The following CNTNAP4 variants were observed in gnomAD, a reference collection of about 807,000 sequenced individuals.
The protein encoded by CNTNAP4 is contactin-associated protein-like 4.
Under a neutral mutation model 148.4 loss-of-function variants are expected in CNTNAP4, and 98 were observed. That is an observed-to-expected ratio of 0.66 (90% confidence interval 0.56 to 0.78). The LOEUF is 0.78. Ranked by LOEUF, CNTNAP4 falls within the 30% of genes least tolerant of loss-of-function variation. The pLI is 0.00. For synonymous variants in CNTNAP4, 730 were observed against 565.1 expected (o/e 1.29, Z -4.14); for missense variants, 1,935 against 1,565.6 (o/e 1.24, Z -3.98).
chr16:76,452,699 C>G lies in CNTNAP4; in HGVS notation c.1263C>G (p.Leu421=). 6.2e-7 allele frequency: 1 copy of G among 1,612,424 alleles called. No individual in the cohort carries two copies. The highest frequency in any genetic ancestry group is 2.2e-5 in the East Asian group (1 of 44,816). ...ELQLISGGIL[L]FLSDGKLKSN... ...AGCTGATTTCAGGGGGTATCCTCCTCTTTCTGAGTGATGGAAAACTTAAGT... is the reference window on the plus strand; with the variant it reads ...AGCTGATTTCAGGGGGTATCCTCCTGTTTCTGAGTGATGGAAAACTTAAGT... The change falls in exon 8 of 24, where the codon CTC becomes CTG. Residue 421 remains leucine (L), a synonymous_variant. Coordinates refer to ENST00000611870, the MANE Select transcript of CNTNAP4 (RefSeq NM_033401.5).
chr16:76,353,671 AG>A (rs2012163322), intron 2 of CNTNAP4, among the ~76,000 whole-genome samples: 1 of 152,028 alleles, frequency 6.6e-6, no homozygotes, highest in Non-Finnish European at 1.5e-5. Context: ...CTTGTCATAC[AG>A]AAGCTGCCTC....
In CNTNAP4 at chr16:76,494,945, A is replaced by T. The variant is rs760652476; in HGVS notation, c.2116A>T (p.Asn706Tyr). The T allele has an allele frequency of 1.9e-6, 3 of 1,613,570 alleles. No homozygotes were observed. The highest frequency in any genetic ancestry group is 2.5e-6 in the Non-Finnish European group (3 of 1,179,596). Residue 706 changes from asparagine to tyrosine, a missense_variant, in exon 14 of 24, where the codon AAT becomes TAT. By Grantham distance (143) the Asn-to-Tyr change is moderately radical. Transcript: ENST00000611870. ...TPLSWWVGRTNETQTYWGGSS... is the reference protein window; with the variant it reads ...TPLSWWVGRTYETQTYWGGSS... The stretch of plus-strand genomic sequence containing the variant: ...TCTGAGTTGGTGGGTAGGAAGAACC[A>T]ATGAAACGCAAACCTACTGGGGAGG...
chr16:76,280,683 C>T (rs1958653425), intron 1 of CNTNAP4, among the ~76,000 whole-genome samples: 1 of 152,138 alleles, frequency 6.6e-6, no homozygotes, highest in African/African-American at 2.4e-5. Context: ...AGTGTCCCTT[C>T]CATCAAAGTT....
intron 2 of CNTNAP4, among the ~76,000 whole-genome samples, chr16:76,341,327 G>A (rs1964452816): frequency 6.6e-6 from 1 of 152,102 alleles, no homozygotes; most frequent in Non-Finnish European, 1.5e-5. Context: ...CCATTGAAAT[G>A]TACAAATTCT....
intron 21 of CNTNAP4, among the ~76,000 whole-genome samples, chr16:76,544,612 A>G (rs1012655640): frequency 1.3e-5 from 2 of 152,210 alleles, no homozygotes; most frequent in African/African-American, 4.8e-5. Context: ...AGATCCTCTC[A>G]TAATCAGCAG....
At chr16:76,289,160 C>T (rs1187045362) in intron 1 of CNTNAP4, among the ~76,000 whole-genome samples, 4 of 152,074 alleles carry the variant, frequency 2.6e-5, no homozygotes, top group Non-Finnish European at 5.9e-5. Context: ...ACAAAAGATA[C>T]ATCATGAGTA....
chr16:76,497,122 A>T (rs895392566), intron 14 of CNTNAP4, among the ~76,000 whole-genome samples: 2 of 152,228 alleles, frequency 1.3e-5, no homozygotes, highest in African/African-American at 2.4e-5. Context: ...GGAAATTGCA[A>T]ATATGTTGGT....
At chr16:76,514,000 G>A (rs879263645) in intron 15 of CNTNAP4, among the ~76,000 whole-genome samples, 1 of 152,146 alleles carries the variant, frequency 6.6e-6, no homozygotes, top group Admixed American at 6.5e-5. Context: ...AAATTTTATT[G>A]CATGATCATG....
rs549510724 is a variant in CNTNAP4 at position 76,517,631 on chromosome 16, T to C, written c.2366-3509T>C. 4.3e-4 allele frequency among the ~76,000 whole-genome samples: 65 copies of C among 152,334 alleles called. 1 individual carries two copies. Among genetic ancestry groups the C allele is most frequent in the Admixed American group, 2.2e-3 (34 of 15,298 alleles). On this transcript the variant is annotated intron_variant, in intron 15 of 23. Coordinates refer to ENST00000611870, the MANE Select transcript of CNTNAP4 (RefSeq NM_033401.5). ...ATGTATTACCTTGAAAAACAATGTG[T>C]TTTTTAAATACTGTTCCTTTATAAA...
intron 4 of CNTNAP4, among the ~76,000 whole-genome samples, chr16:76,437,666 C>T (rs145699165): frequency 1.2e-4 from 19 of 152,086 alleles, no homozygotes; most frequent in Admixed American, 2.6e-4. Flanking sequence ...AACTAATGAA[C>T]GAATAGAGGA....
rs202044717 is a variant in CNTNAP4 at position 76,307,495 on chromosome 16, T to G, written c.86-8918T>G. Among the ~76,000 whole-genome samples the G allele has an allele frequency of 3.2e-5, 4 of 123,084 alleles. No homozygotes were observed. The East Asian group carries it at 7.7e-4, about 24-fold the overall frequency. 80.7% of individuals were successfully genotyped at this position (123,084 alleles called of 152,430 possible). ...TCCTCTAATTCTCCTAGATATCTAT[T>G]TTAAATGCATATATATATATATATA... On this transcript the variant is annotated intron_variant, in intron 1 of 23. Transcript: ENST00000611870.
chr16:76,447,180 C>T (rs541985378), intron 4 of CNTNAP4, among the ~76,000 whole-genome samples: 61 of 151,998 alleles, frequency 4.0e-4, no homozygotes, highest in Middle Eastern at 6.8e-3. Flanking sequence ...CATGGTAGTG[C>T]ACCCTTGTGG....
At position 76,470,497 on chromosome 16, in the gene CNTNAP4, A is replaced by ATATATATATATATATAT. The variant is rs398119511; in HGVS notation, c.1655+2974_1655+2975insTATATATATATATATAT. Reference sequence around the variant, plus strand: ...CTCTACTAATAATATATATATATATAAAATTAGTCGGGCATGGTGGCACAT... The same window carrying ATATATATATATATATAT: ...CTCTACTAATAATATATATATATATATATATATATATATATATAAATTAGTCGGGCATGGTGGCACAT... On this transcript the variant is annotated intron_variant, in intron 10 of 23. Transcript: ENST00000611870. 1.8e-4 allele frequency among the ~76,000 whole-genome samples: 25 copies of ATATATATATATATATAT among 137,410 alleles called. 1 individual carries two copies. The highest frequency in any genetic ancestry group is 5.1e-4 in the African/African-American group (17 of 33,562). The allele number at this position is 137,410 out of a possible 152,430, so 90.1% of individuals were successfully genotyped here.
chr16:76,395,159 G>T (rs1244945073), intron 3 of CNTNAP4, among the ~76,000 whole-genome samples: 2 of 152,160 alleles, frequency 1.3e-5, no homozygotes, highest in African/African-American at 4.8e-5. Flanking sequence ...GCTTCAGAGA[G>T]ATCACGACCT....
At chr16:76,542,925 ATAT>A in intron 21 of CNTNAP4, among the ~76,000 whole-genome samples, 2 of 152,340 alleles carry the variant, frequency 1.3e-5, no homozygotes, top group African/African-American at 2.4e-5. Flanking sequence ...TATATTCAAC[ATAT>A]TATAAAACAA....
intron 3 of CNTNAP4, among the ~76,000 whole-genome samples, chr16:76,381,996 G>C (rs1013424013): frequency 1.4e-5 from 2 of 143,068 alleles, no homozygotes; most frequent in African/African-American, 5.2e-5. Context: ...AGGAGGCGGA[G>C]CTTGCAGTGA....
At position 76,397,938 on chromosome 16, in the gene CNTNAP4, T is replaced by TTATATA. The variant is rs1404929461; in HGVS notation, c.391-29513_391-29508dup. ...TCTCTAGAGGGACAGAACTAATAGA[T>TTATATA]TATATACATATATATATATATATAT... On this transcript the variant is annotated intron_variant, in intron 3 of 23. Coordinates refer to ENST00000611870, the MANE Select transcript of CNTNAP4 (RefSeq NM_033401.5). Among the ~76,000 whole-genome samples, 20 of 62,294 alleles carry TTATATA rather than the reference T, an allele frequency of 3.2e-4. 6 individuals are homozygous for TTATATA. The highest frequency in any genetic ancestry group is 5.0e-4 in the Non-Finnish European group (15 of 30,054). The allele number at this position is 62,294 out of a possible 152,430, so 40.9% of individuals were successfully genotyped here.
chr16:76,467,274 A>C (rs2081205514), intron 9 of CNTNAP4, 78 bp from the exon 10 acceptor site: 1 of 1,292,980 alleles, frequency 7.7e-7, no homozygotes, highest in African/African-American at 1.5e-5. Context: ...TCTTTCTTTT[A>C]TTTTTTAAAT....
At chr16:76,335,700 C>A (rs970338230) in intron 2 of CNTNAP4, among the ~76,000 whole-genome samples, 1 of 152,124 alleles carries the variant, frequency 6.6e-6, no homozygotes, top group Non-Finnish European at 1.5e-5. Context: ...AGAAAAGTCA[C>A]GAAGTCATTC....
Sources: allele counts gnomAD v4.1 joint callset (sites outside exome capture counted in the v4.1 genomes callset), GRCh38; gene constraint gnomAD v4.1.1; transcripts MANE v1.5; gene names NCBI Gene and HGNC (gene_info 2026-07-23, HGNC 2026-07-21).